Variants in KMO observed in about 807,000 individuals in gnomAD.
KMO encodes the protein kynurenine 3-hydroxylase.
A neutral mutation model predicts 57.8 loss-of-function variants in KMO; 24 were observed. The observed-to-expected ratio is 0.42, with a 90% CI of 0.30 to 0.58. The LOEUF (loss-of-function observed/expected upper bound fraction) is 0.58, where lower values mean the gene tolerates loss of function less well. Ranked by LOEUF, KMO falls within the 20% of genes least tolerant of loss-of-function variation. The probability of loss-of-function intolerance (pLI) is 0.22; values close to 1 mark genes in which losing one functional copy is unlikely to be tolerated. For synonymous variants in KMO, 210 were observed against 193.6 expected (o/e 1.08, Z -0.70); for missense variants, 483 against 588.2 (o/e 0.82, Z 1.85).
chr1:241,586,837 G>A, intron 11 of KMO, 101 bp downstream of exon 11: 1 of 796,682 alleles, frequency 1.3e-6, no homozygotes. Context: ...GATGTATAAT[G>A]TATATTATCT....
Position 241,582,141 on chromosome 1 carries a change from T to C in KMO, c.958-4538T>C, listed in dbSNP as rs564846766. ...GCTGCAAAGTCTGCTGCCAGACATA[T>C]TGGAGCTCCTTTTATGTTATTTGCT... On this transcript the variant is annotated intron_variant, in intron 10 of 14. Transcript: ENST00000366559. Among the ~76,000 whole-genome samples the C allele has an allele frequency of 9.8e-5, 15 of 152,304 alleles. No homozygotes were observed. The South Asian group carries it at 3.1e-3, about 32-fold the overall frequency.
At position 241,590,283 on chromosome 1, in the gene KMO, A is replaced by G; in HGVS notation, c.1260+20A>G. The G allele has an allele frequency of 6.3e-7, 1 of 1,579,750 alleles. No homozygotes were observed. Among genetic ancestry groups the G allele is most frequent in the Non-Finnish European group, 8.7e-7 (1 of 1,149,168 alleles). ...AAAAAGGTTGGAACAGTTACATTTT[A>G]TTTATTTTTTAATGTGGTGTTTTGA... On this transcript the variant is annotated intron_variant, in intron 14 of 14. Transcript: ENST00000366559.
Position 241,565,060 on chromosome 1 carries a change from T to A in KMO, c.687+2T>A. 2 of 1,551,734 alleles carry A rather than the reference T, an allele frequency of 1.3e-6. No individual in the cohort carries two copies. Among genetic ancestry groups the A allele is most frequent in the Non-Finnish European group, 1.8e-6 (2 of 1,125,436 alleles). ...ATGATGATTGCACTTCCTAACATGG[T>A]AGTATAGAATTTTTTATCAACTGTA... On this transcript the variant is annotated splice_donor_variant, in intron 8 of 14. Coordinates refer to ENST00000366559, the MANE Select transcript of KMO (RefSeq NM_003679.5). LOFTEE classifies it high-confidence loss of function.
intron 9 of KMO, 120 bp downstream of exon 9, chr1:241,566,732 AAAC>A: frequency 9.5e-7 from 1 of 1,048,844 alleles, no homozygotes; most frequent in Non-Finnish European, 1.4e-6. Flanking sequence ...ACCTGGACAG[AAAC>A]CTACATTAGA....
intron 14 of KMO, 111 bp from the exon 15 acceptor site, chr1:241,591,841 CA>C (rs1436356953): frequency 6.3e-6 from 5 of 797,710 alleles, no homozygotes; most frequent in Non-Finnish European, 1.0e-5. Flanking sequence ...ATTGTTGTTT[CA>C]GGTTAAAGAA....
At chr1:241,564,891 G>A in intron 7 of KMO, 96 bp from the exon 8 acceptor site, 1 of 739,768 alleles carries the variant, frequency 1.4e-6, no homozygotes, top group Non-Finnish European at 2.4e-6. Flanking sequence ...AGATGCTACT[G>A]GTTTTAATTA....
intron 11 of KMO, among the ~76,000 whole-genome samples, chr1:241,588,335 T>C (rs980508232): frequency 7.4e-5 from 10 of 135,210 alleles, no homozygotes; most frequent in Admixed American, 2.9e-4. Context: ...TTTTCTTTTT[T>C]TTTTTTTTTT....
intron 4 of KMO, 28 bp downstream of exon 4, chr1:241,551,072 A>G: frequency 7.9e-7 from 1 of 1,259,226 alleles, no homozygotes; most frequent in African/African-American, 1.5e-5. Flanking sequence ...ATCATTGTGC[A>G]TTGATTATAA....
chr1:241,579,143 T>G (rs1242701877), intron 10 of KMO, among the ~76,000 whole-genome samples: 2 of 152,090 alleles, frequency 1.3e-5, no homozygotes, highest in Non-Finnish European at 2.9e-5. Flanking sequence ...ATTTTCTCCT[T>G]CCTGAGTGCA....
In KMO at chr1:241,584,153, C is replaced by T. The variant is rs540457817; in HGVS notation, c.958-2526C>T. On this transcript the variant is annotated intron_variant, in intron 10 of 14. Transcript: ENST00000366559. Reference sequence around the variant, plus strand: ...CATCCCCCAACCCCATGACAGCCCCCGGTGTGTGATGTTCCCCTTCCTGTG... The same window carrying T: ...CATCCCCCAACCCCATGACAGCCCCTGGTGTGTGATGTTCCCCTTCCTGTG... Among the ~76,000 whole-genome samples, 208 of 152,082 alleles carry T rather than the reference C, an allele frequency of 1.4e-3. 2 individuals carry two copies. The highest frequency in any genetic ancestry group is 4.8e-3 in the South Asian group (23 of 4,810).
chr1:241,561,958 G>A, intron 6 of KMO: 1 of 542,828 alleles, frequency 1.8e-6, no homozygotes, highest in South Asian at 2.2e-5. Context: ...AATCAATATG[G>A]TGTTGTGCTA....
chr1:241,569,778 C>T (rs1385501060), intron 10 of KMO, among the ~76,000 whole-genome samples: 1 of 151,944 alleles, frequency 6.6e-6, no homozygotes, highest in Non-Finnish European at 1.5e-5. Flanking sequence ...TCCCACCAAA[C>T]GAGAGTTCCC....
At chr1:241,584,795 A>G (rs1662902970) in intron 10 of KMO, among the ~76,000 whole-genome samples, 1 of 152,224 alleles carries the variant, frequency 6.6e-6, no homozygotes, top group Non-Finnish European at 1.5e-5. Context: ...AAAACATAAG[A>G]CATTAACTGT....
At chr1:241,534,275 A>T (rs1344883012) in intron 1 of KMO, among the ~76,000 whole-genome samples, 1 of 152,184 alleles carries the variant, frequency 6.6e-6, no homozygotes, top group Non-Finnish European at 1.5e-5. Flanking sequence ...GGCAGCAGTG[A>T]TGTCTCATTT....
chr1:241,548,699 G>A (rs896356242), intron 1 of KMO, 130 bp from the exon 2 acceptor site: 1 of 496,480 alleles, frequency 2.0e-6, no homozygotes, highest in African/African-American at 2.0e-5. Context: ...GATAAATGAG[G>A]CTGGTAAAAT....
intron 1 of KMO, among the ~76,000 whole-genome samples, chr1:241,537,277 G>T (rs546575925): frequency 4.6e-5 from 7 of 152,182 alleles, no homozygotes; most frequent in African/African-American, 1.7e-4. Context: ...TCTAAAAAAA[G>T]AAATCAAATG....
At chr1:241,570,464 G>T (rs1228519594) in intron 10 of KMO, among the ~76,000 whole-genome samples, 1 of 152,074 alleles carries the variant, frequency 6.6e-6, no homozygotes, top group African/African-American at 2.4e-5. Flanking sequence ...TATGGTGAAA[G>T]ATAGTGGTCT....
intron 5 of KMO, 65 bp downstream of exon 5, chr1:241,555,725 T>G: frequency 1.0e-6 from 1 of 965,802 alleles, no homozygotes; most frequent in South Asian, 1.3e-5. Flanking sequence ...AATCTTGTCA[T>G]ATGATTTATT....
At chr1:241,549,978 C>T (rs1661337622) in intron 3 of KMO, 6 of 504,452 alleles carry the variant, frequency 1.2e-5, no homozygotes, top group Admixed American at 7.5e-5. Context: ...ACCCTGCAAC[C>T]GGATGATTGC....
Sources: gnomAD v4.1 joint callset for allele counts (sites outside exome capture counted in the v4.1 genomes callset) on GRCh38, gnomAD v4.1.1 for gene constraint, MANE v1.5 for transcripts, NCBI Gene and HGNC (gene_info 2026-07-23, HGNC 2026-07-21) for gene names.